DPP6: variants seen among roughly 807,000 people sequenced by gnomAD.
The protein encoded by DPP6 is A-type potassium channel modulatory protein DPP6.
Under a neutral mutation model 122.6 loss-of-function variants are expected in DPP6, and 69 were observed. The observed-to-expected ratio is 0.56, with a 90% CI of 0.46 to 0.69. DPP6 has a LOEUF of 0.69. Ranked by LOEUF, DPP6 falls within the 30% of genes least tolerant of loss-of-function variation. The probability of loss-of-function intolerance (pLI) is 0.00; values close to 1 mark genes in which losing one functional copy is unlikely to be tolerated. For missense variants in DPP6, 928 were observed against 1,116.9 expected (o/e 0.83, Z 2.41); for synonymous variants, 418 against 433.1 (o/e 0.97, Z 0.43).
chr7:154,866,315 C>T (rs1803874777), intron 17 of DPP6, among the ~76,000 whole-genome samples: 1 of 152,240 alleles, frequency 6.6e-6, no homozygotes, highest in Admixed American at 6.5e-5. Flanking sequence ...GTGCCTGGAG[C>T]ATTGCATTAA....
At chr7:154,284,748 G>C (rs762458198) in intron 1 of DPP6, among the ~76,000 whole-genome samples, 1 of 152,156 alleles carries the variant, frequency 6.6e-6, no homozygotes, top group Non-Finnish European at 1.5e-5. Context: ...CCAGCTACTT[G>C]GGAGGCCAAG....
intron 1 of DPP6, among the ~76,000 whole-genome samples, chr7:153,914,579 C>A (rs2129004595): frequency 6.6e-6 from 1 of 152,282 alleles, no homozygotes. Context: ...TAAATTTTAG[C>A]ATATTTAGAG....
intron 1 of DPP6, among the ~76,000 whole-genome samples, chr7:154,230,956 A>G (rs1433003015): frequency 1.3e-5 from 2 of 152,250 alleles, no homozygotes; most frequent in Non-Finnish European, 2.9e-5. Flanking sequence ...AAAGAAAAGT[A>G]TTTCATGTCA....
At chr7:154,567,856 G>T (rs1391112501) in intron 5 of DPP6, among the ~76,000 whole-genome samples, 1 of 152,092 alleles carries the variant, frequency 6.6e-6, no homozygotes, top group South Asian at 2.1e-4. Flanking sequence ...CTGGGGTATT[G>T]GTTTGTATGA....
chr7:153,887,766 C>T (rs1445490893), intron 1 of DPP6: 6 of 1,607,784 alleles, frequency 3.7e-6, no homozygotes, highest in Non-Finnish European at 4.3e-6. Flanking sequence ...CGCGCTGGGT[C>T]GGGGGGACCC....
intron 1 of DPP6, among the ~76,000 whole-genome samples, chr7:154,099,307 C>T (rs554650750): frequency 2.6e-5 from 4 of 152,282 alleles, no homozygotes; most frequent in African/African-American, 9.6e-5. Flanking sequence ...AGGCACCAGA[C>T]ACTCTCTTAA....
chr7:154,064,272 C>G (rs1183841428), intron 1 of DPP6, among the ~76,000 whole-genome samples: 1 of 152,164 alleles, frequency 6.6e-6, no homozygotes, highest in African/African-American at 2.4e-5. Flanking sequence ...GTCCTGCCAT[C>G]TGACCAGAGC....
chr7:154,070,308 C>T (rs1009746159), intron 1 of DPP6, among the ~76,000 whole-genome samples: 16 of 151,446 alleles, frequency 1.1e-4, no homozygotes, highest in Middle Eastern at 6.8e-3. Flanking sequence ...AATCCTGGCT[C>T]GGTCACAAAT....
chr7:154,244,486 A>C (rs1801844915), intron 1 of DPP6, among the ~76,000 whole-genome samples: 1 of 152,174 alleles, frequency 6.6e-6, no homozygotes, highest in African/African-American at 2.4e-5. Context: ...TAATAATTAG[A>C]AAATCTATGT....
rs1815787647 is a variant in DPP6, at chr7:154,403,193, G to A, written c.244-43021G>A. ...CACGTTAGTTCCCTGGACTCAGCAG[G>A]TCGCCACCGTGAGGCCCCAGCATTT... is the stretch of plus-strand genomic sequence containing the variant. On this transcript the variant is annotated intron_variant, in intron 1 of 25. Transcript: ENST00000377770. This position sits in a 1 kb window ranked among gnomAD's most constrained non-coding sequence, Gnocchi z 4.1. Among the ~76,000 whole-genome samples, 1 of 152,212 alleles carries A rather than the reference G, an allele frequency of 6.6e-6. No individual in the cohort carries two copies. Among genetic ancestry groups the A allele is most frequent in the African/African-American group, 2.4e-5 (1 of 41,462 alleles).
At chr7:153,995,412 C>CCGTCTCTA (rs1030533646) in intron 1 of DPP6, among the ~76,000 whole-genome samples, 5 of 151,960 alleles carry the variant, frequency 3.3e-5, no homozygotes, top group Non-Finnish European at 7.4e-5. Flanking sequence ...CGGTGAAACC[C>CCGTCTCTA]CGTCTCTACT....
At chr7:154,638,761 T>C (rs1835884431) in intron 6 of DPP6, among the ~76,000 whole-genome samples, 1 of 152,180 alleles carries the variant, frequency 6.6e-6, no homozygotes, top group South Asian at 2.1e-4. Context: ...TAGGAAAGTC[T>C]GTCGAGGAGA....
At chr7:154,323,144 A>G (rs1308268084) in intron 1 of DPP6, among the ~76,000 whole-genome samples, 2 of 152,234 alleles carry the variant, frequency 1.3e-5, no homozygotes, top group Non-Finnish European at 2.9e-5. Flanking sequence ...GGAAAAGTTT[A>G]TAACGTATTT....
intron 1 of DPP6, among the ~76,000 whole-genome samples, chr7:153,960,621 A>G: frequency 1.5e-5 from 1 of 67,402 alleles, no homozygotes; most frequent in African/African-American, 5.6e-5. Flanking sequence ...AGCTCAGCTT[A>G]GCAGCCTGTC....
chr7:154,791,515 G>T (rs116297864), intron 10 of DPP6, among the ~76,000 whole-genome samples: 119 of 152,270 alleles, frequency 7.8e-4, no homozygotes, highest in African/African-American at 2.6e-3. Context: ...GAAACCACCC[G>T]CATGATTCAA....
intron 8 of DPP6, among the ~76,000 whole-genome samples, chr7:154,740,695 C>G (rs1307980695): frequency 6.6e-6 from 1 of 152,192 alleles, no homozygotes; most frequent in Non-Finnish European, 1.5e-5. Flanking sequence ...CTCGGTTTTA[C>G]TTAGTAAACA....
chr7:154,685,154 A>G, intron 7 of DPP6, among the ~76,000 whole-genome samples: 1 of 152,246 alleles, frequency 6.6e-6, no homozygotes, highest in East Asian at 1.9e-4. Context: ...CCAGCATGGC[A>G]AGCAGCTGCT....
At chr7:154,343,981 GCTC>G (rs1383296110) in intron 1 of DPP6, among the ~76,000 whole-genome samples, 1 of 152,148 alleles carries the variant, frequency 6.6e-6, no homozygotes, top group African/African-American at 2.4e-5. Flanking sequence ...CTCCGAAAGT[GCTC>G]GGATTATAGG....
intron 1 of DPP6, among the ~76,000 whole-genome samples, chr7:154,133,008 A>G (rs1370850634): frequency 1.3e-5 from 2 of 151,912 alleles, no homozygotes; most frequent in East Asian, 1.9e-4. Context: ...GTTCTGCACT[A>G]TATTGTTTAT....
Sources: allele counts gnomAD v4.1 joint callset (sites outside exome capture counted in the v4.1 genomes callset), GRCh38; gene constraint gnomAD v4.1.1; non-coding constraint Gnocchi (gnomAD v3.1); transcripts MANE v1.5; gene names NCBI Gene and HGNC (gene_info 2026-07-23, HGNC 2026-07-21).